GRK5: variants seen among roughly 807,000 people sequenced by gnomAD.
GRK5 encodes the protein g protein-coupled receptor kinase GRK5.
Under a neutral mutation model 78.4 loss-of-function variants are expected in GRK5, and 40 were observed. The ratio of observed to expected loss-of-function variants is 0.51; its 90% CI spans 0.40 to 0.66. The LOEUF is 0.66. Among genes scored for constraint, GRK5 ranks in the 30% least tolerant of loss-of-function variants. The pLI is 0.00. For missense variants in GRK5, 598 were observed against 759.9 expected, an observed-to-expected ratio of 0.79 and a Z score of 2.50; for synonymous variants, 289 against 296.8, an observed-to-expected ratio of 0.97 and a Z score of 0.27.
rs113278108 is a variant in GRK5, at chr10:119,217,717, C to G, written c.52+9748C>G. On this transcript the variant is annotated intron_variant, in intron 1 of 15. Transcript: ENST00000392870. The surrounding 1 kb of genome is among the most constrained non-coding windows in gnomAD (Gnocchi z 4.1). ...CTTGGCAGAGGCAAGAGGTGGGCAG[C>G]GGGCATGCCAGTTCCTGCTGGCTCA... Among the ~76,000 whole-genome samples, 1 of 152,150 alleles carries G rather than the reference C, an allele frequency of 6.6e-6. No homozygotes were observed. The highest frequency in any genetic ancestry group is 1.5e-5 in the Non-Finnish European group (1 of 68,014).
At chr10:119,333,965 G>A (rs1417048874) in intron 2 of GRK5, 1 of 425,410 alleles carries the variant, frequency 2.4e-6, no homozygotes, top group South Asian at 1.7e-5. Flanking sequence ...GGATCTCTCT[G>A]CGAGCTCCCT....
intron 2 of GRK5, among the ~76,000 whole-genome samples, chr10:119,344,327 CG>C (rs1346436098): frequency 8.5e-5 from 13 of 152,092 alleles, no homozygotes; most frequent in African/African-American, 2.7e-4. Context: ...TATCCCTCCC[CG>C]CTTCCCCCAC....
chr10:119,409,051 C>G (rs1852289585), intron 4 of GRK5, among the ~76,000 whole-genome samples: 1 of 152,182 alleles, frequency 6.6e-6, no homozygotes, highest in Non-Finnish European at 1.5e-5. Flanking sequence ...AATGAGCAAG[C>G]CCCGGAGGCG....
In GRK5 at chr10:119,458,624, C is replaced by CA. The variant is rs111496141; in HGVS notation, c.*3558dup. 0.12 allele frequency: 18,816 copies of CA among 152,214 alleles called. 1,319 individuals are homozygous for CA. Among genetic ancestry groups the CA allele is most frequent in the Middle Eastern group, 0.22 (64 of 292 alleles). 9.4% of individuals were successfully genotyped at this position (152,214 alleles called of 1,614,324 possible). A position where few individuals can be genotyped will look rare whatever the true frequency, so the allele number is the denominator to read the frequency against. On this transcript the variant is annotated 3_prime_UTR_variant, in exon 16 of 16. Transcript: ENST00000392870. The stretch of plus-strand genomic sequence containing the variant: ...AAATGGTGGTGGGAAGTCCTGGGAA[C>CA]ACACACAGCCTTTGCATTGACAGCA...
At chr10:119,421,763 C>A (rs914648221) in intron 4 of GRK5, among the ~76,000 whole-genome samples, 1 of 152,220 alleles carries the variant, frequency 6.6e-6, no homozygotes, top group East Asian at 1.9e-4. Context: ...TGAAGCCTCT[C>A]AGGCCTGGCT....
chr10:119,270,853 G>GA (rs1849571830), intron 1 of GRK5, among the ~76,000 whole-genome samples: 1 of 152,224 alleles, frequency 6.6e-6, no homozygotes, highest in Admixed American at 6.5e-5. Flanking sequence ...TAGTGCAAAG[G>GA]AAAAAAACTC....
chr10:119,303,785 A>G (rs921299842), intron 1 of GRK5, among the ~76,000 whole-genome samples: 5 of 150,810 alleles, frequency 3.3e-5, no homozygotes, highest in African/African-American at 9.8e-5. Context: ...GGGGACAGGT[A>G]TGGATTTCAC....
intron 1 of GRK5, among the ~76,000 whole-genome samples, chr10:119,261,063 G>C (rs1189332880): frequency 5.7e-5 from 3 of 53,068 alleles, no homozygotes; most frequent in Non-Finnish European, 1.4e-4. Context: ...TCCCGGACGG[G>C]GCGGCTGGCC....
At position 119,295,993 on chromosome 10, in the gene GRK5, T is replaced by TC. The variant is rs1850073562; in HGVS notation, c.53-30522dup. 2.0e-5 allele frequency among the ~76,000 whole-genome samples: 3 copies of TC among 152,218 alleles called. No individual in the cohort carries two copies. In the South Asian group the frequency reaches 6.2e-4, roughly 32 times the overall value. On this transcript the variant is annotated intron_variant, in intron 1 of 15. Transcript: ENST00000392870. ...AAAACCCATCAGGATGATTTGGGCT[T>TC]CAAGAAATAAGGCTTGATTACAAAT...
At chr10:119,439,355 T>C (rs1373395597) in intron 9 of GRK5, among the ~76,000 whole-genome samples, 1 of 152,202 alleles carries the variant, frequency 6.6e-6, no homozygotes, top group Non-Finnish European at 1.5e-5. Flanking sequence ...ATTGCACAGC[T>C]CCCTTCATTC....
chr10:119,207,836 C>A lies in GRK5; in HGVS notation c.-82C>A. ...CGGCTCCGGCAGCAGCGGCGGCAGC[C>A]CGAGCAGCGGCAGCAGCAGCGGCAG... On this transcript the variant is annotated 5_prime_UTR_variant, in exon 1 of 16. Coordinates refer to ENST00000392870, the MANE Select transcript of GRK5 (RefSeq NM_005308.3). The A allele has an allele frequency of 7.3e-7, 1 of 1,370,778 alleles. No individual in the cohort carries two copies. Among genetic ancestry groups the A allele is most frequent in the Non-Finnish European group, 1.0e-6 (1 of 1,004,934 alleles). The allele number at this position is 1,370,778 out of a possible 1,614,324, so 84.9% of individuals were successfully genotyped here.
At chr10:119,362,974 A>T (rs572894841) in intron 2 of GRK5, among the ~76,000 whole-genome samples, 2 of 152,162 alleles carry the variant, frequency 1.3e-5, no homozygotes, top group South Asian at 4.2e-4. Flanking sequence ...TTTGGCAAGG[A>T]TGTTAGTGGA....
intron 3 of GRK5, among the ~76,000 whole-genome samples, chr10:119,394,131 TGG>T (rs1851939229): frequency 8.2e-5 from 5 of 61,100 alleles, no homozygotes; most frequent in African/African-American, 3.3e-4. Flanking sequence ...TGTGTGTGTG[TGG>T]GTATCTGTGG....
At chr10:119,409,776 C>G (rs1852303928) in intron 4 of GRK5, among the ~76,000 whole-genome samples, 1 of 151,156 alleles carries the variant, frequency 6.6e-6, no homozygotes, top group Non-Finnish European at 1.5e-5. Context: ...AAAAATCCAA[C>G]ATGATTTCGG....
chr10:119,259,103 C>G (rs1346657580), intron 1 of GRK5, among the ~76,000 whole-genome samples: 4 of 127,008 alleles, frequency 3.1e-5, no homozygotes, highest in East Asian at 5.0e-4. Flanking sequence ...CTCGCTCTTT[C>G]GCCCAGGCCG....
At chr10:119,254,145 C>T (rs1040520411) in intron 1 of GRK5, among the ~76,000 whole-genome samples, 1 of 152,104 alleles carries the variant, frequency 6.6e-6, no homozygotes, top group Admixed American at 6.5e-5. Context: ...TAATTCTAAG[C>T]GCCTTTGAAA....
Position 119,452,839 on chromosome 10 carries a change from G to A in GRK5, c.1542+31G>A, listed in dbSNP as rs1199598164. ...CAGGGCAGACCACTTGCTTTGGTCT[G>A]GGTGGGAGGGAGGGACTGACGGGTG... On this transcript the variant is annotated intron_variant, in intron 14 of 15. Transcript: ENST00000392870. This position sits in a 1 kb window ranked among gnomAD's most constrained non-coding sequence, Gnocchi z 4.4. The A allele has an allele frequency of 7.5e-6, 12 of 1,601,224 alleles. No homozygotes were observed. The highest frequency in any genetic ancestry group is 1.3e-5 in the African/African-American group (1 of 74,738).
chr10:119,382,268 C>G (rs796347859), intron 3 of GRK5, among the ~76,000 whole-genome samples: 1 of 102,090 alleles, frequency 9.8e-6, no homozygotes, highest in Non-Finnish European at 2.4e-5. Context: ...AGGCTCTTGG[C>G]GCCTCTTGTG....
intron 2 of GRK5, among the ~76,000 whole-genome samples, chr10:119,343,958 A>G (rs1347596486): frequency 6.6e-6 from 1 of 152,070 alleles, no homozygotes; most frequent in Non-Finnish European, 1.5e-5. Context: ...TGTACCATAA[A>G]CAGCCTCCAC....
Sources: gnomAD v4.1 joint callset for allele counts (sites outside exome capture counted in the v4.1 genomes callset) on GRCh38, gnomAD v4.1.1 for gene constraint, Gnocchi (gnomAD v3.1) non-coding constraint, MANE v1.5 for transcripts, NCBI Gene and HGNC (gene_info 2026-07-23, HGNC 2026-07-21) for gene names.